PRDM5: variants seen among roughly 807,000 people sequenced by gnomAD.
The protein encoded by PRDM5 is PR/SET domain 5.
In PRDM5, 56 loss-of-function variants were observed where a neutral mutation model predicts 81.2. That is an observed-to-expected ratio of 0.69 (90% CI 0.56 to 0.86). The LOEUF (loss-of-function observed/expected upper bound fraction) is 0.86. Ranked by LOEUF, PRDM5 falls within the 40% of genes least tolerant of loss-of-function variation. The pLI is 0.00. For missense variants in PRDM5, 697 were observed against 770.1 expected (o/e 0.91, Z 1.12); for synonymous variants, 267 against 256.4 (o/e 1.04, Z -0.39).
chr4:120,912,005 G>A lies in PRDM5; in HGVS notation c.94-4448C>T, dbSNP rs563966697. 8.5e-4 allele frequency among the ~76,000 whole-genome samples: 129 copies of A among 152,242 alleles called. No homozygotes were observed. In the Middle Eastern group the frequency reaches 0.017, roughly 20 times the overall value. On this transcript the variant is annotated intron_variant, in intron 1 of 15. Transcript: ENST00000264808. ...AGACAGCAGAAATTGATGATGAAAA[G>A]CTCCTCTTTACAGGAGAATGCTAAC... is the stretch of plus-strand genomic sequence containing the variant.
chr4:120,774,321 C>T (rs1561179840), intron 13 of PRDM5, among the ~76,000 whole-genome samples: 1 of 152,210 alleles, frequency 6.6e-6, no homozygotes, highest in South Asian at 2.1e-4. Context: ...TCACCTTGCT[C>T]ATGTGATAGC....
chr4:120,807,338 T>C (rs958326637), intron 8 of PRDM5, among the ~76,000 whole-genome samples: 1 of 152,228 alleles, frequency 6.6e-6, no homozygotes, highest in Non-Finnish European at 1.5e-5. Flanking sequence ...GACCCAGCCA[T>C]ATATGGGTAT....
intron 2 of PRDM5, among the ~76,000 whole-genome samples, chr4:120,855,329 T>C (rs1036928509): frequency 6.6e-5 from 10 of 152,130 alleles, no homozygotes; most frequent in Non-Finnish European, 1.5e-4. Flanking sequence ...AAAAGAGCAA[T>C]TTAGGACTAT....
chr4:120,893,797 C>T (rs952222797), intron 2 of PRDM5, among the ~76,000 whole-genome samples: 3 of 152,144 alleles, frequency 2.0e-5, no homozygotes, highest in African/African-American at 7.2e-5. Flanking sequence ...CTCTTTATTT[C>T]TAGTAATGTT....
Position 120,754,539 on chromosome 4 carries a change from G to A in PRDM5, c.1623+14C>T. Reference sequence around the variant, plus strand: ...TTTCATGATCAATATTAATGAAACAGAATATAATCTTACCCTGGTGTGAGT... The same window carrying A: ...TTTCATGATCAATATTAATGAAACAAAATATAATCTTACCCTGGTGTGAGT... On this transcript the variant is annotated intron_variant, in intron 14 of 15. Transcript: ENST00000264808. 6.6e-7 allele frequency: 1 copy of A among 1,516,920 alleles called. No homozygotes were observed. Among genetic ancestry groups the A allele is most frequent in the Non-Finnish European group, 9.2e-7 (1 of 1,092,198 alleles). 94.0% of individuals were successfully genotyped at this position (1,516,920 alleles called of 1,614,324 possible). A position where few individuals can be genotyped will look rare whatever the true frequency, so the allele number is the denominator to read the frequency against.
rs1300472156 is a variant in PRDM5 at position 120,765,469 on chromosome 4, G to A, written c.1538-10831C>T. 2.0e-5 allele frequency among the ~76,000 whole-genome samples: 3 copies of A among 152,132 alleles called. No homozygotes were observed. The South Asian group carries it at 6.2e-4, about 31-fold the overall frequency. ...GGATTCCCTTGCTGAATTAACCTCA[G>A]CTCTCACTGACCCTAAGAAGCTATA... On this transcript the variant is annotated intron_variant, in intron 13 of 15. Coordinates refer to ENST00000264808, the MANE Select transcript of PRDM5 (RefSeq NM_018699.4).
chr4:120,708,957 AG>A (rs1736575557), intron 15 of PRDM5, among the ~76,000 whole-genome samples: 1 of 152,176 alleles, frequency 6.6e-6, no homozygotes, highest in African/African-American at 2.4e-5. Context: ...TCTACACAGC[AG>A]ATTAGTATGG....
chr4:120,862,457 C>A (rs1393641857), intron 2 of PRDM5, among the ~76,000 whole-genome samples: 1 of 152,068 alleles, frequency 6.6e-6, no homozygotes, highest in Non-Finnish European at 1.5e-5. Context: ...CATACAATGC[C>A]AAGTCCTGAG....
chr4:120,902,377 G>T (rs756010967), intron 2 of PRDM5, among the ~76,000 whole-genome samples: 1 of 152,172 alleles, frequency 6.6e-6, no homozygotes, highest in Non-Finnish European at 1.5e-5. Context: ...TCTTGGAGAC[G>T]TAAAAACAAA....
At chr4:120,706,770 A>T (rs1247962375) in intron 15 of PRDM5, among the ~76,000 whole-genome samples, 1 of 147,852 alleles carries the variant, frequency 6.8e-6, no homozygotes. Flanking sequence ...ATATATATAT[A>T]TATATATGCC....
intron 13 of PRDM5, among the ~76,000 whole-genome samples, chr4:120,771,656 C>T (rs911871570): frequency 5.9e-5 from 9 of 151,980 alleles, no homozygotes; most frequent in African/African-American, 1.7e-4. Context: ...AATTTCAACA[C>T]GTTCAACAAT....
chr4:120,884,538 G>C (rs1354119987), intron 2 of PRDM5, among the ~76,000 whole-genome samples: 2 of 152,218 alleles, frequency 1.3e-5, no homozygotes, highest in East Asian at 3.9e-4. Context: ...ACAAATATTG[G>C]ACTGCTTACC....
intron 10 of PRDM5, among the ~76,000 whole-genome samples, chr4:120,791,016 C>G (rs938527516): frequency 6.6e-6 from 1 of 152,126 alleles, no homozygotes; most frequent in Non-Finnish European, 1.5e-5. Flanking sequence ...ATGAGAATCA[C>G]TTTTTAATTC....
intron 3 of PRDM5, among the ~76,000 whole-genome samples, chr4:120,849,365 A>G (rs1759006668): frequency 6.6e-6 from 1 of 152,196 alleles, no homozygotes; most frequent in Non-Finnish European, 1.5e-5. Context: ...AAGGAGGTTC[A>G]ATAATCTGTG....
chr4:120,736,398 G>T (rs1741137711), intron 14 of PRDM5, among the ~76,000 whole-genome samples: 1 of 152,046 alleles, frequency 6.6e-6, no homozygotes, highest in Non-Finnish European at 1.5e-5. Context: ...GGGCTTGCTG[G>T]ATCAAACAGA....
At chr4:120,719,603 A>T (rs1008164662) in intron 14 of PRDM5, among the ~76,000 whole-genome samples, 1 of 152,208 alleles carries the variant, frequency 6.6e-6, no homozygotes, top group Non-Finnish European at 1.5e-5. Flanking sequence ...GACCTTATAT[A>T]AAGATGTCTA....
At chr4:120,918,397 T>A (rs1343182108) in intron 1 of PRDM5, among the ~76,000 whole-genome samples, 2 of 152,164 alleles carry the variant, frequency 1.3e-5, no homozygotes, top group Non-Finnish European at 2.9e-5. Context: ...AGGATACAAA[T>A]CCATGTTTCT....
chr4:120,806,759 T>C (rs900785175), intron 8 of PRDM5, among the ~76,000 whole-genome samples: 6 of 152,080 alleles, frequency 3.9e-5, no homozygotes, highest in African/African-American at 1.4e-4. Flanking sequence ...GAAGAAAACC[T>C]AGACAATACC....
chr4:120,710,110 T>C (rs1055003836), intron 15 of PRDM5, among the ~76,000 whole-genome samples, 199 bp downstream of exon 15: 67 of 152,022 alleles, frequency 4.4e-4, no homozygotes, highest in African/African-American at 1.5e-3. Context: ...GTAAACCAGA[T>C]GAATAAAATG....
Sources: allele counts gnomAD v4.1 joint callset (sites outside exome capture counted in the v4.1 genomes callset), GRCh38; gene constraint gnomAD v4.1.1; transcripts MANE v1.5; gene names NCBI Gene and HGNC (gene_info 2026-07-23, HGNC 2026-07-21).